The following NPAS3 variants were observed in gnomAD, a reference collection of about 807,000 sequenced individuals.
NPAS3 encodes the protein neuronal PAS domain-containing protein 3.
A neutral mutation model predicts 73.1 loss-of-function variants in NPAS3; 14 were observed. That is an observed-to-expected ratio of 0.19 (90% CI 0.13 to 0.30). The LOEUF (loss-of-function observed/expected upper bound fraction) is 0.30, where lower values mean the gene tolerates loss of function less well. Among genes scored for constraint, NPAS3 ranks in the 10% least tolerant of loss-of-function variants. NPAS3 has a pLI of 1.00. For missense variants in NPAS3, 1,096 were observed against 1,250.0 expected (o/e 0.88, Z 1.86); for synonymous variants, 620 against 541.5 (o/e 1.14, Z -2.01).
At chr14:33,535,467 T>A (rs934073665) in intron 4 of NPAS3, among the ~76,000 whole-genome samples, 6 of 152,150 alleles carry the variant, frequency 3.9e-5, no homozygotes, top group Admixed American at 2.0e-4. Context: ...ATGTAGAGTA[T>A]GCCTTTTTAA....
chr14:33,028,884 G>A (rs1566482564), intron 1 of NPAS3, among the ~76,000 whole-genome samples: 1 of 152,098 alleles, frequency 6.6e-6, no homozygotes, highest in Non-Finnish European at 1.5e-5. Flanking sequence ...TGTTACATAG[G>A]TAAAAGTGTA....
At chr14:32,999,833 AT>A (rs991880463) in intron 1 of NPAS3, among the ~76,000 whole-genome samples, 84 of 152,178 alleles carry the variant, frequency 5.5e-4, no homozygotes, top group African/African-American at 1.8e-3. Flanking sequence ...GTAATAAAAA[AT>A]ATCCTGAATA....
At chr14:33,458,707 T>C (rs1290669452) in intron 4 of NPAS3, among the ~76,000 whole-genome samples, 17 of 152,210 alleles carry the variant, frequency 1.1e-4, no homozygotes, top group Non-Finnish European at 1.3e-4. Context: ...TTGTGTTATA[T>C]GAAAAAGTCT....
At chr14:33,134,577 C>T (rs1241544271) in intron 2 of NPAS3, among the ~76,000 whole-genome samples, 1 of 152,098 alleles carries the variant, frequency 6.6e-6, no homozygotes, top group Non-Finnish European at 1.5e-5. Flanking sequence ...TTTATCCAGC[C>T]ACCAGGAGCT....
intron 6 of NPAS3, among the ~76,000 whole-genome samples, chr14:33,716,399 T>C (rs866459303): frequency 6.6e-6 from 1 of 152,216 alleles, no homozygotes; most frequent in Non-Finnish European, 1.5e-5. Context: ...TATTTTCTTT[T>C]CATCTGTTTT....
At chr14:33,097,207 A>C (rs2042447879) in intron 2 of NPAS3, among the ~76,000 whole-genome samples, 1 of 151,778 alleles carries the variant, frequency 6.6e-6, no homozygotes, top group Non-Finnish European at 1.5e-5. Context: ...GTAAGACATC[A>C]TCTCTGCAAA....
At chr14:33,613,939 C>CTCTT (rs2057834179) in intron 5 of NPAS3, among the ~76,000 whole-genome samples, 1 of 152,150 alleles carries the variant, frequency 6.6e-6, no homozygotes, top group East Asian at 1.9e-4. Flanking sequence ...CTCAACCTGT[C>CTCTT]AGATTCCAAA....
At chr14:33,375,906 T>C (rs1029816272) in intron 4 of NPAS3, among the ~76,000 whole-genome samples, 1 of 152,206 alleles carries the variant, frequency 6.6e-6, no homozygotes, top group Non-Finnish European at 1.5e-5. Flanking sequence ...CTACTGGCAA[T>C]GTGCATTTCA....
At chr14:33,460,824 C>A (rs889233327) in intron 4 of NPAS3, among the ~76,000 whole-genome samples, 11 of 151,614 alleles carry the variant, frequency 7.3e-5, no homozygotes, top group Admixed American at 6.6e-5. Flanking sequence ...ACTAGATTTA[C>A]AGAAAAACCA....
At chr14:33,733,008 G>A (rs886169652) in intron 6 of NPAS3, among the ~76,000 whole-genome samples, 1 of 152,118 alleles carries the variant, frequency 6.6e-6, no homozygotes, top group African/African-American at 2.4e-5. Flanking sequence ...CTACAAGTTT[G>A]GTAGTTCCTC....
At chr14:33,274,078 G>C (rs903489623) in intron 3 of NPAS3, among the ~76,000 whole-genome samples, 3 of 152,170 alleles carry the variant, frequency 2.0e-5, no homozygotes, top group Non-Finnish European at 4.4e-5. Context: ...GGCATGGCCA[G>C]AGAGGATTTA....
intron 3 of NPAS3, among the ~76,000 whole-genome samples, chr14:33,221,527 T>C (rs2047428219): frequency 6.6e-6 from 1 of 152,146 alleles, no homozygotes; most frequent in African/African-American, 2.4e-5. Context: ...TTTGGGAAGC[T>C]GCGGTGAGAG....
intron 2 of NPAS3, among the ~76,000 whole-genome samples, chr14:33,158,642 A>C (rs2139292969): frequency 6.6e-6 from 1 of 152,290 alleles, no homozygotes; most frequent in African/African-American, 2.4e-5. Flanking sequence ...AAGACAGCAG[A>C]GGTTAAATTA....
intron 2 of NPAS3, among the ~76,000 whole-genome samples, chr14:33,169,976 G>A (rs1338267541): frequency 6.6e-6 from 1 of 152,174 alleles, no homozygotes; most frequent in Non-Finnish European, 1.5e-5. Context: ...ACATCTTGTA[G>A]TTTTGTGGTT....
chr14:33,349,348 T>G (rs1382393144), intron 3 of NPAS3, among the ~76,000 whole-genome samples: 3 of 152,250 alleles, frequency 2.0e-5, no homozygotes, highest in Non-Finnish European at 4.4e-5. Flanking sequence ...CGTCAAATTC[T>G]TTCTATGATA....
At chr14:33,247,468 T>A (rs1252396109) in intron 3 of NPAS3, among the ~76,000 whole-genome samples, 1 of 152,194 alleles carries the variant, frequency 6.6e-6, no homozygotes, top group Non-Finnish European at 1.5e-5. Context: ...GATTTTGAAA[T>A]AGAGACTGGT....
At chr14:33,614,962 G>A (rs1344595986) in intron 5 of NPAS3, among the ~76,000 whole-genome samples, 1 of 152,144 alleles carries the variant, frequency 6.6e-6, no homozygotes, top group Admixed American at 6.6e-5. Context: ...AAAGTTGAGA[G>A]AGATGGATGT....
chr14:33,382,034 T>C (rs2138462735), intron 4 of NPAS3, among the ~76,000 whole-genome samples: 1 of 152,274 alleles, frequency 6.6e-6, no homozygotes, highest in East Asian at 1.9e-4. Context: ...CAAAACTGCA[T>C]TTAATAGAAT....
chr14:33,188,466 G>T (rs2046058182), intron 2 of NPAS3, among the ~76,000 whole-genome samples: 2 of 152,184 alleles, frequency 1.3e-5, no homozygotes, highest in South Asian at 2.1e-4. Flanking sequence ...TTGAGTGATT[G>T]CTTTGTGCCT....
Sources: gnomAD v4.1 joint callset for allele counts (sites outside exome capture counted in the v4.1 genomes callset) on GRCh38, gnomAD v4.1.1 for gene constraint, MANE v1.5 for transcripts, NCBI Gene and HGNC (gene_info 2026-07-23, HGNC 2026-07-21) for gene names.